The following LRRC57 variants were observed in gnomAD, a reference collection of about 807,000 sequenced individuals.
The protein encoded by LRRC57 is leucine-rich repeat-containing protein 57.
In LRRC57, 14 loss-of-function variants were observed where a neutral mutation model predicts 23.1. The observed-to-expected ratio is 0.61, with a 90% CI of 0.40 to 0.95. LRRC57 has a LOEUF of 0.95. Ranked by LOEUF, LRRC57 falls within the 40% of genes least tolerant of loss-of-function variation. The pLI is 0.00. For missense variants in LRRC57, 236 were observed against 284.4 expected (o/e 0.83, Z 1.22); for synonymous variants, 106 against 115.2 (o/e 0.92, Z 0.51).
At chr15:42,535,173 AACTTGCTGCAGCTTCTCCATCAGC>A (rs1219002464), downstream of LRRC57, among the ~76,000 whole-genome samples, 4 of 152,220 alleles carry the variant, frequency 2.6e-5, no homozygotes, top group Admixed American at 6.5e-5. Context: ...TTATCTGGAT[AACTTGCTGCAGCTTCTCCATCAGC>A]ACTTGCTGCT....
chr15:42,532,029 T>G, the LRRC57 span: 1 of 152,224 alleles, frequency 6.6e-6, no homozygotes, highest in Non-Finnish European at 1.5e-5. Context: ...ATACACAACG[T>G]TTTTGTTAGG....
chr15:42,528,623 T>C, the LRRC57 span, among the ~76,000 whole-genome samples: 1 of 152,228 alleles, frequency 6.6e-6, no homozygotes. Context: ...TCTTGCTGTG[T>C]TGCCCAGGCT....
At chr15:42,536,819 T>A (rs563576264), downstream of LRRC57, among the ~76,000 whole-genome samples, 7 of 152,186 alleles carry the variant, frequency 4.6e-5, no homozygotes, top group Non-Finnish European at 1.0e-4. Context: ...TTACTTCTAG[T>A]TGTGTGGCCT....
downstream of LRRC57, among the ~76,000 whole-genome samples, chr15:42,535,905 C>T (rs1385602952): frequency 1.3e-5 from 2 of 152,038 alleles, no homozygotes; most frequent in South Asian, 2.1e-4. Flanking sequence ...AAGATGAGAC[C>T]GTTTCTACAA....
At chr15:42,534,409 G>T (rs1040720064), downstream of LRRC57, among the ~76,000 whole-genome samples, 2 of 152,136 alleles carry the variant, frequency 1.3e-5, no homozygotes, top group African/African-American at 4.8e-5. Context: ...GGTTACAGGC[G>T]TGAGCCACCA....
chr15:42,531,327 GGT>G, the LRRC57 span: 32 of 786,164 alleles, frequency 4.1e-5, no homozygotes, highest in South Asian at 7.8e-4. Context: ...GGATTTTCTT[GGT>G]GTGTCAGTTA....
chr15:42,548,506 C>G, intron 1 of LRRC57, 50 bp from the exon 2 acceptor site: 1 of 1,492,124 alleles, frequency 6.7e-7, no homozygotes, highest in South Asian at 1.2e-5. Flanking sequence ...CGGTCGGCCT[C>G]CCGGCTGGGG....
At chr15:42,537,513 T>C (rs1331243739), downstream of LRRC57, among the ~76,000 whole-genome samples, 1 of 152,144 alleles carries the variant, frequency 6.6e-6, no homozygotes, top group Non-Finnish European at 1.5e-5. Context: ...GGAATTACCA[T>C]ACTATCCAGC....
chr15:42,538,948 G>T lies in LRRC57; in HGVS notation c.*5135C>A, dbSNP rs949006906. On this transcript the variant is annotated 3_prime_UTR_variant, in exon 6 of 6. Coordinates refer to ENST00000397130, the MANE Select transcript of LRRC57 (RefSeq NM_153260.3). ...ACCTGTAATCCCAGCACTTTGGGAG[G>T]TAAGGCAGGATTGCTTGAGCCCAGG... The T allele has an allele frequency of 6.6e-6, 1 of 152,204 alleles. No homozygotes were observed. Among genetic ancestry groups the T allele is most frequent in the Non-Finnish European group, 1.5e-5 (1 of 68,062 alleles). 9.4% of individuals were successfully genotyped at this position (152,204 alleles called of 1,614,324 possible). A position where few individuals can be genotyped will look rare whatever the true frequency, so the allele number is the denominator to read the frequency against.
At chr15:42,529,512 C>G in the LRRC57 span, among the ~76,000 whole-genome samples, 1 of 152,134 alleles carries the variant, frequency 6.6e-6, no homozygotes, top group African/African-American at 2.4e-5. Context: ...TGATGAGTCT[C>G]CCAGTTTTTA....
At position 42,544,838 on chromosome 15, in the gene LRRC57, C is replaced by CTATATATATATATATATAT. The variant is rs1484623621; in HGVS notation, c.678+238_678+239insATATATATATATATATATA. On this transcript the variant is annotated intron_variant, in intron 5 of 5. Transcript: ENST00000397130. ...TCTCACACACACACACACACACACA[C>CTATATATATATATATATAT]ACACTATATATATATATATATCAAA... Among the ~76,000 whole-genome samples, 366 of 109,042 alleles carry CTATATATATATATATATAT rather than the reference C, an allele frequency of 3.4e-3. 3 individuals carry two copies. Among genetic ancestry groups the CTATATATATATATATATAT allele is most frequent in the African/African-American group, 0.018 (348 of 19,506 alleles). 71.5% of individuals were successfully genotyped at this position (109,042 alleles called of 152,430 possible).
intron 1 of LRRC57, 62 bp from the exon 2 acceptor site, chr15:42,548,518 T>A: frequency 7.4e-7 from 1 of 1,348,554 alleles, no homozygotes; most frequent in Non-Finnish European, 1.0e-6. Context: ...CGGCTGGGGC[T>A]CCTGCCCCAG....
intron 4 of LRRC57, among the ~76,000 whole-genome samples, chr15:42,546,147 C>T (rs1487817291): frequency 6.6e-6 from 1 of 152,212 alleles, no homozygotes; most frequent in African/African-American, 2.4e-5. Context: ...CCAGTATCAT[C>T]TCAGACCATC....
downstream of LRRC57, among the ~76,000 whole-genome samples, chr15:42,537,229 T>TCACACACACACA (rs1445243515): frequency 6.4e-5 from 7 of 109,000 alleles, no homozygotes; most frequent in African/African-American, 3.4e-4. Context: ...TCTCTCTCTC[T>TCACACACACACA]CTCTCACACA....
At chr15:42,535,706 G>A (rs1292928922), downstream of LRRC57, among the ~76,000 whole-genome samples, 3 of 152,094 alleles carry the variant, frequency 2.0e-5, no homozygotes, top group Admixed American at 6.6e-5. Context: ...GAGCCAACGC[G>A]CCCGGCTATG....
Position 42,538,216 on chromosome 15 carries a change from G to T in LRRC57, c.*5867C>A, listed in dbSNP as rs2057610588. ...TAAAGTGAAAAAGGAAAACAAAGTA[G>T]CTTATCTAAGTGCTGTTTTCTTTAG... On this transcript the variant is annotated 3_prime_UTR_variant, in exon 6 of 6. Transcript: ENST00000397130. 1 of 152,184 alleles carries T rather than the reference G, an allele frequency of 6.6e-6. No individual in the cohort carries two copies. The highest frequency in any genetic ancestry group is 1.9e-4 in the East Asian group (1 of 5,176). The allele number at this position is 152,184 out of a possible 1,614,324, so 9.4% of individuals were successfully genotyped here.
chr15:42,544,842 C>CGATATATATATATATATATATATATATA, intron 5 of LRRC57, among the ~76,000 whole-genome samples: 1 of 98,038 alleles, frequency 1.0e-5, no homozygotes. Context: ...CACACACACA[C>CGATATATATATATATATATATATATATA]TATATATATA....
chr15:42,531,221 G>T, the LRRC57 span, among the ~76,000 whole-genome samples: 1 of 152,100 alleles, frequency 6.6e-6, no homozygotes. Flanking sequence ...TTACACCTTT[G>T]TCATGTTTAT....
chr15:42,544,729 G>A (rs572916491), intron 5 of LRRC57, among the ~76,000 whole-genome samples: 232 of 150,846 alleles, frequency 1.5e-3, no homozygotes, highest in African/African-American at 5.3e-3. Flanking sequence ...GATGAGAATC[G>A]CTTGAGCCCA....
Sources: allele counts gnomAD v4.1 joint callset (sites outside exome capture counted in the v4.1 genomes callset), GRCh38; gene constraint gnomAD v4.1.1; transcripts MANE v1.5; gene names NCBI Gene and HGNC (gene_info 2026-07-23, HGNC 2026-07-21).